NEDD4L: variants seen among roughly 807,000 people sequenced by gnomAD.
NEDD4L encodes the protein NEDD4 like E3 ubiquitin protein ligase, also known as E3 ubiquitin-protein ligase NEDD4-like.
A neutral mutation model predicts 148.9 loss-of-function variants in NEDD4L; 54 were observed. The ratio of observed to expected loss-of-function variants is 0.36; its 90% CI spans 0.29 to 0.45. The LOEUF is 0.45. Ranked by LOEUF, NEDD4L falls within the 20% of genes least tolerant of loss-of-function variation. NEDD4L has a pLI of 1.00. For missense variants in NEDD4L, 856 were observed against 1,233.8 expected (o/e 0.69, Z 4.59); for synonymous variants, 433 against 440.7 (o/e 0.98, Z 0.22).
At chr18:58,322,318 G>A in intron 6 of NEDD4L, 107 bp from the exon 7 acceptor site, 1 of 799,544 alleles carries the variant, frequency 1.3e-6, no homozygotes, top group South Asian at 1.5e-5. Context: ...ATTCAGCGGT[G>A]CCACATTCTA....
At chr18:58,247,835 A>G (rs891162252) in intron 3 of NEDD4L, among the ~76,000 whole-genome samples, 5 of 152,250 alleles carry the variant, frequency 3.3e-5, no homozygotes, top group African/African-American at 9.6e-5. Flanking sequence ...CCCCTCGTTC[A>G]TTACCATCCT....
At chr18:58,116,597 GGGGGTCCA>G (rs2085857798) in intron 1 of NEDD4L, among the ~76,000 whole-genome samples, 1 of 152,198 alleles carries the variant, frequency 6.6e-6, no homozygotes, top group African/African-American at 2.4e-5. Flanking sequence ...AGGGACTCAA[GGGGGTCCA>G]GTAAGTACAG....
intron 6 of NEDD4L, among the ~76,000 whole-genome samples, chr18:58,316,961 CTTTATTTAAA>C (rs1568672538): frequency 1.2e-4 from 18 of 151,504 alleles, no homozygotes; most frequent in Non-Finnish European, 2.9e-5. Flanking sequence ...ACTTTATTTA[CTTTATTTAAA>C]GCTATTTAAA....
At chr18:58,235,442 G>A (rs1047196516) in intron 2 of NEDD4L, among the ~76,000 whole-genome samples, 66 of 152,272 alleles carry the variant, frequency 4.3e-4, no homozygotes, top group African/African-American at 1.5e-3. Flanking sequence ...AGGAGCATAC[G>A]GTGACAGTGG....
chr18:58,346,308 AT>A (rs1214261666), intron 16 of NEDD4L, among the ~76,000 whole-genome samples: 1 of 152,234 alleles, frequency 6.6e-6, no homozygotes, highest in Non-Finnish European at 1.5e-5. Flanking sequence ...ATAAATGCTT[AT>A]TGGAGCATTT....
chr18:58,146,228 C>A (rs1056332861), intron 1 of NEDD4L, among the ~76,000 whole-genome samples: 4 of 152,118 alleles, frequency 2.6e-5, no homozygotes, highest in African/African-American at 9.7e-5. Flanking sequence ...GCGGGAGAGA[C>A]CTAGACGCAG....
chr18:58,193,019 G>T (rs1252159347), intron 2 of NEDD4L, among the ~76,000 whole-genome samples: 1 of 152,180 alleles, frequency 6.6e-6, no homozygotes, highest in African/African-American at 2.4e-5. Context: ...TGCACCTGTG[G>T]CAGTTGCAAA....
chr18:58,289,372 C>G (rs2054378043), intron 5 of NEDD4L, among the ~76,000 whole-genome samples: 1 of 152,076 alleles, frequency 6.6e-6, no homozygotes, highest in Admixed American at 6.5e-5. Flanking sequence ...GGGTTGCAGC[C>G]TTGGAGTATA....
chr18:58,250,825 A>C (rs1916485233), intron 4 of NEDD4L, among the ~76,000 whole-genome samples: 1 of 152,218 alleles, frequency 6.6e-6, no homozygotes, highest in Non-Finnish European at 1.5e-5. Context: ...AAGGATTTGC[A>C]TGCGATGATG....
At chr18:58,244,463 C>T (rs372389754) in intron 2 of NEDD4L, among the ~76,000 whole-genome samples, 2 of 152,074 alleles carry the variant, frequency 1.3e-5, no homozygotes, top group African/African-American at 4.8e-5. Flanking sequence ...GTAGATAGTC[C>T]GCAGTAATCC....
intron 1 of NEDD4L, among the ~76,000 whole-genome samples, chr18:58,050,573 C>T (rs1052978990): frequency 6.6e-6 from 1 of 151,808 alleles, no homozygotes; most frequent in African/African-American, 2.4e-5. Flanking sequence ...CCAGCCTGGC[C>T]AACATGGTGA....
intron 1 of NEDD4L, among the ~76,000 whole-genome samples, chr18:58,057,487 A>C (rs890633367): frequency 6.6e-6 from 1 of 152,128 alleles, no homozygotes; most frequent in Admixed American, 6.5e-5. Flanking sequence ...CAGGGTGAGA[A>C]TCTCGCTTGG....
At chr18:58,314,562 C>G (rs903148830) in intron 5 of NEDD4L, 3 of 152,382 alleles carry the variant, frequency 2.0e-5, no homozygotes, top group African/African-American at 4.8e-5. Context: ...TCATTATTCT[C>G]AAGGCCTTCT....
intron 9 of NEDD4L, among the ~76,000 whole-genome samples, chr18:58,326,018 T>G (rs1468099331): frequency 6.6e-6 from 1 of 152,190 alleles, no homozygotes; most frequent in Non-Finnish European, 1.5e-5. Flanking sequence ...TAAAAGCAAG[T>G]CTACTGGGTA....
intron 5 of NEDD4L, among the ~76,000 whole-genome samples, chr18:58,288,915 T>C (rs1452570961): frequency 6.6e-6 from 1 of 152,228 alleles, no homozygotes; most frequent in East Asian, 1.9e-4. Context: ...CTTCATTTCT[T>C]ACACCACACA....
chr18:58,367,690 G>A, intron 21 of NEDD4L, 56 bp from the exon 22 acceptor site: 1 of 1,603,756 alleles, frequency 6.2e-7, no homozygotes, highest in Non-Finnish European at 8.5e-7. Flanking sequence ...AAACAAATAT[G>A]CAAAATCTTG....
intron 9 of NEDD4L, among the ~76,000 whole-genome samples, chr18:58,325,576 G>A (rs1382121485): frequency 6.6e-6 from 1 of 152,126 alleles, no homozygotes; most frequent in African/African-American, 2.4e-5. Context: ...TAAGTTTTTG[G>A]ATGTTTACTC....
chr18:58,198,155 G>A lies in NEDD4L; in HGVS notation c.122+32294G>A, dbSNP rs562781330. 9.1e-4 allele frequency among the ~76,000 whole-genome samples: 138 copies of A among 152,282 alleles called. 1 individual carries two copies. The highest frequency in any genetic ancestry group is 3.1e-3 in the African/African-American group (127 of 41,552). Reference sequence around the variant, plus strand: ...GATGGTGGTATTTCTACATGTTTATGTCGAGAACTTTACAAAGATGAAAGA... The same window carrying A: ...GATGGTGGTATTTCTACATGTTTATATCGAGAACTTTACAAAGATGAAAGA... On this transcript the variant is annotated intron_variant, in intron 2 of 30. Coordinates refer to ENST00000400345, the MANE Select transcript of NEDD4L (RefSeq NM_001144967.3).
At chr18:58,099,428 A>G (rs755228532) in intron 1 of NEDD4L, among the ~76,000 whole-genome samples, 11 of 152,224 alleles carry the variant, frequency 7.2e-5, no homozygotes, top group South Asian at 2.1e-4. Context: ...TTAGTAATAA[A>G]TACTAAACTA....
Sources: allele counts gnomAD v4.1 joint callset (sites outside exome capture counted in the v4.1 genomes callset), GRCh38; gene constraint gnomAD v4.1.1; transcripts MANE v1.5; gene names NCBI Gene and HGNC (gene_info 2026-07-23, HGNC 2026-07-21).